Variants in RCAN2 observed in about 807,000 individuals in gnomAD.
RCAN2 encodes the protein regulator of calcineurin 2.
RCAN2 carries 9 observed loss-of-function variants against 23.6 expected under a neutral mutation model. The ratio of observed to expected loss-of-function variants is 0.38; its 90% CI spans 0.23 to 0.67. The LOEUF (loss-of-function observed/expected upper bound fraction) is 0.67. RCAN2 is among the 30% of genes least tolerant of loss of function. RCAN2 has a pLI of 0.51. For synonymous variants in RCAN2, 109 were observed against 115.7 expected (o/e 0.94, Z 0.37); for missense variants, 273 against 302.3 (o/e 0.90, Z 0.72).
chr6:46,295,032 T>A (rs771059684), intron 2 of RCAN2, among the ~76,000 whole-genome samples: 2 of 151,804 alleles, frequency 1.3e-5, no homozygotes, highest in East Asian at 3.9e-4. Flanking sequence ...GGCAGGAACA[T>A]AGAAAAGAAA....
intron 1 of RCAN2, among the ~76,000 whole-genome samples, chr6:46,486,820 G>A (rs1174383642): frequency 6.6e-6 from 1 of 152,092 alleles, no homozygotes; most frequent in Non-Finnish European, 1.5e-5. Flanking sequence ...TGAACTGCAG[G>A]GAGTTTGAAT....
chr6:46,428,446 C>A (rs757234086), intron 2 of RCAN2, among the ~76,000 whole-genome samples: 3 of 152,174 alleles, frequency 2.0e-5, no homozygotes, highest in Non-Finnish European at 4.4e-5. Context: ...ATAGTTTATG[C>A]ATTATTCATG....
chr6:46,253,072 T>C (rs1766789041), intron 2 of RCAN2, among the ~76,000 whole-genome samples: 1 of 152,228 alleles, frequency 6.6e-6, no homozygotes, highest in African/African-American at 2.4e-5. Flanking sequence ...TTAGACAATA[T>C]TGGTTCCCTG....
intron 2 of RCAN2, among the ~76,000 whole-genome samples, chr6:46,265,650 G>T (rs1285448499): frequency 6.6e-6 from 1 of 152,158 alleles, no homozygotes; most frequent in African/African-American, 2.4e-5. Flanking sequence ...GGAGAGACGT[G>T]ACAGTCCTCT....
chr6:46,451,058 T>C (rs955829189), intron 2 of RCAN2, among the ~76,000 whole-genome samples: 1 of 152,124 alleles, frequency 6.6e-6, no homozygotes, highest in African/African-American at 2.4e-5. Flanking sequence ...TGTTAGTCAA[T>C]TGAAAATAAA....
chr6:46,379,746 G>C (rs184776446), intron 2 of RCAN2, among the ~76,000 whole-genome samples: 1 of 152,178 alleles, frequency 6.6e-6, no homozygotes, highest in African/African-American at 2.4e-5. Flanking sequence ...TTCCTAGGTA[G>C]AGAATCCAAC....
intron 2 of RCAN2, among the ~76,000 whole-genome samples, chr6:46,395,918 G>GTT (rs1423861582): frequency 6.6e-6 from 1 of 152,158 alleles, no homozygotes; most frequent in Non-Finnish European, 1.5e-5. Flanking sequence ...TGTGTGCAAT[G>GTT]TCATTAGGGT....
At chr6:46,223,358 G>T (rs1179364472) in intron 4 of RCAN2, 57 bp from the exon 5 acceptor site, 1 of 1,533,640 alleles carries the variant, frequency 6.5e-7, no homozygotes, top group East Asian at 2.3e-5. Flanking sequence ...AAGAGATCCT[G>T]GAGCAGGGTC....
chr6:46,317,631 T>A (rs1441519037), intron 2 of RCAN2, among the ~76,000 whole-genome samples: 1 of 151,942 alleles, frequency 6.6e-6, no homozygotes, highest in East Asian at 1.9e-4. Flanking sequence ...CCGGCTAATT[T>A]TTTTTTGTAT....
At chr6:46,408,346 C>T (rs757017681) in intron 2 of RCAN2, among the ~76,000 whole-genome samples, 4 of 152,118 alleles carry the variant, frequency 2.6e-5, no homozygotes, top group African/African-American at 4.8e-5. Context: ...TACCAGCTGG[C>T]GAGTCGCTCA....
At chr6:46,469,044 C>T (rs186412775) in intron 1 of RCAN2, among the ~76,000 whole-genome samples, 1 of 152,158 alleles carries the variant, frequency 6.6e-6, no homozygotes, top group Non-Finnish European at 1.5e-5. Context: ...ACCTCTGTTT[C>T]TCTCTCAAAT....
chr6:46,234,911 A>C (rs1288712343), intron 4 of RCAN2, among the ~76,000 whole-genome samples: 1 of 152,044 alleles, frequency 6.6e-6, no homozygotes, highest in East Asian at 1.9e-4. Context: ...GCTGTTTCCC[A>C]TTCTCAGGAG....
intron 1 of RCAN2, among the ~76,000 whole-genome samples, chr6:46,476,182 A>C (rs1011199695): frequency 3.9e-5 from 6 of 152,212 alleles, no homozygotes; most frequent in Non-Finnish European, 8.8e-5. Context: ...ACTGAAGCTC[A>C]GTTGCTCACT....
intron 2 of RCAN2, among the ~76,000 whole-genome samples, chr6:46,398,062 T>C (rs1766145729): frequency 6.6e-6 from 1 of 152,302 alleles, no homozygotes; most frequent in Admixed American, 6.5e-5. Context: ...ATTAGCGAAG[T>C]GAAGACAATA....
In RCAN2 at chr6:46,262,218, C is replaced by T. The variant is rs143699278; in HGVS notation, c.226-13322G>A. Among the ~76,000 whole-genome samples, 324 of 152,082 alleles carry T rather than the reference C, an allele frequency of 2.1e-3. 2 individuals carry two copies. Among genetic ancestry groups the T allele is most frequent in the African/African-American group, 7.4e-3 (307 of 41,380 alleles). The stretch of plus-strand genomic sequence containing the variant: ...CTATCACAACAAATGGCCCCCTCTA[C>T]CCAGTTGCTTAAGCAGGCAACCTAA... On this transcript the variant is annotated intron_variant, in intron 2 of 4. Coordinates refer to ENST00000371374, the MANE Select transcript of RCAN2 (RefSeq NM_001251974.2).
intron 2 of RCAN2, among the ~76,000 whole-genome samples, chr6:46,341,759 T>C (rs138429125): frequency 9.9e-5 from 15 of 152,202 alleles, no homozygotes; most frequent in Admixed American, 6.5e-4. Context: ...GATCATGCCA[T>C]TTCACTCCAG....
intron 2 of RCAN2, among the ~76,000 whole-genome samples, chr6:46,389,500 G>T (rs188647305): frequency 6.6e-6 from 1 of 152,152 alleles, no homozygotes; most frequent in Non-Finnish European, 1.5e-5. Context: ...GATATTACCC[G>T]CTGGGGTACC....
chr6:46,290,693 A>T (rs1262471159), intron 2 of RCAN2, among the ~76,000 whole-genome samples: 1 of 152,236 alleles, frequency 6.6e-6, no homozygotes, highest in Non-Finnish European at 1.5e-5. Flanking sequence ...AATCATTAGA[A>T]CAGTATTAAT....
intron 2 of RCAN2, among the ~76,000 whole-genome samples, chr6:46,367,745 A>G (rs1211779440): frequency 6.6e-6 from 1 of 152,240 alleles, no homozygotes; most frequent in African/African-American, 2.4e-5. Flanking sequence ...AAGATTAGGA[A>G]AATAAATTAC....
Sources: allele counts gnomAD v4.1 joint callset (sites outside exome capture counted in the v4.1 genomes callset), GRCh38; gene constraint gnomAD v4.1.1; transcripts MANE v1.5; gene names NCBI Gene and HGNC (gene_info 2026-07-23, HGNC 2026-07-21).